MXI1: variants seen among roughly 807,000 people sequenced by gnomAD.
The protein encoded by MXI1 is max-interacting protein 1.
A neutral mutation model predicts 36.9 loss-of-function variants in MXI1; 18 were observed. That is an observed-to-expected ratio of 0.49 (90% CI 0.34 to 0.72). The LOEUF is 0.72. Ranked by LOEUF, MXI1 falls within the 30% of genes least tolerant of loss-of-function variation. The probability of loss-of-function intolerance (pLI) is 0.01; values close to 1 mark genes in which losing one functional copy is unlikely to be tolerated. For synonymous variants in MXI1, 160 were observed against 146.7 expected, an observed-to-expected ratio of 1.09 and a Z score of -0.65; for missense variants, 304 against 379.1, an observed-to-expected ratio of 0.80 and a Z score of 1.64.
At chr10:110,216,019 G>A (rs1854628384) in intron 1 of MXI1, among the ~76,000 whole-genome samples, 1 of 152,236 alleles carries the variant, frequency 6.6e-6, no homozygotes, top group Non-Finnish European at 1.5e-5. Flanking sequence ...CTGGCTAGAG[G>A]TGTTAAAGCT....
intron 1 of MXI1, among the ~76,000 whole-genome samples, chr10:110,218,411 C>T (rs1854711644): frequency 6.6e-6 from 1 of 151,236 alleles, no homozygotes; most frequent in Non-Finnish European, 1.5e-5. Context: ...GATCACACCA[C>T]TGCACTCCAG....
chr10:110,281,656 A>G (rs1045299209), intron 5 of MXI1, among the ~76,000 whole-genome samples: 3 of 152,198 alleles, frequency 2.0e-5, no homozygotes, highest in Non-Finnish European at 1.5e-5. Flanking sequence ...ATATTTTTTT[A>G]AACATCAAGA....
At chr10:110,272,708 A>G (rs1159328820) in intron 3 of MXI1, among the ~76,000 whole-genome samples, 1 of 151,300 alleles carries the variant, frequency 6.6e-6, no homozygotes, top group Non-Finnish European at 1.5e-5. Context: ...ATTATATATT[A>G]TATGTAATTT....
At chr10:110,278,074 G>A (rs1459080530) in intron 3 of MXI1, among the ~76,000 whole-genome samples, 1 of 152,202 alleles carries the variant, frequency 6.6e-6, no homozygotes, top group Admixed American at 6.5e-5. Flanking sequence ...TTAAGGACTA[G>A]GGGTAAACTG....
rs1258735180 is a variant in MXI1 at position 110,284,984 on chromosome 10, A to G, written c.885A>G (p.Ser295=). Residue 295 remains serine, a synonymous_variant, in exon 6 of 6, where the codon TCA becomes TCG. Coordinates refer to ENST00000332674, the MANE Select transcript of MXI1 (RefSeq NM_130439.3). ...SSASVKLSFT[S] is the part of the protein sequence containing the mutation. ...CCAGTGTCAAACTTTCATTCACTTCATAGAACCCAGCATGACATAACAGTG... is the reference window on the plus strand; with the variant it reads ...CCAGTGTCAAACTTTCATTCACTTCGTAGAACCCAGCATGACATAACAGTG... 1.2e-6 allele frequency: 2 copies of G among 1,611,608 alleles called. No individual in the cohort carries two copies. Among genetic ancestry groups the G allele is most frequent in the South Asian group, 1.1e-5 (1 of 90,450 alleles).
At chr10:110,248,113 C>T (rs774632352) in intron 3 of MXI1, among the ~76,000 whole-genome samples, 10 of 152,126 alleles carry the variant, frequency 6.6e-5, no homozygotes, top group Admixed American at 3.3e-4. Context: ...ACAAACACTG[C>T]GTGTTCTCAC....
At chr10:110,281,869 G>T (rs1857262989) in intron 5 of MXI1, among the ~76,000 whole-genome samples, 1 of 152,106 alleles carries the variant, frequency 6.6e-6, no homozygotes, top group South Asian at 2.1e-4. Flanking sequence ...TTAATCAATA[G>T]GTTCAGGTAA....
intron 1 of MXI1, chr10:110,225,866 C>A: frequency 2.9e-6 from 1 of 347,474 alleles, no homozygotes; most frequent in Non-Finnish European, 4.0e-6. Flanking sequence ...CCTGAAACGG[C>A]GTGTGCACTA....
intron 3 of MXI1, among the ~76,000 whole-genome samples, chr10:110,264,467 A>G (rs1194873089): frequency 6.6e-6 from 1 of 151,282 alleles, no homozygotes; most frequent in East Asian, 1.9e-4. Flanking sequence ...CCGGGTTTAA[A>G]CGATTCTCTT....
intron 1 of MXI1, among the ~76,000 whole-genome samples, chr10:110,209,121 A>G (rs945344940): frequency 2.0e-5 from 3 of 151,608 alleles, no homozygotes; most frequent in Non-Finnish European, 4.4e-5. Flanking sequence ...CAGCCAGGTC[A>G]CCCAGCTTTC....
At chr10:110,226,081 C>T (rs1056192887) in intron 1 of MXI1, 3 of 1,066,394 alleles carry the variant, frequency 2.8e-6, no homozygotes, top group South Asian at 8.9e-5. Flanking sequence ...GCGCGCCGAG[C>T]CGCGGCCGAG....
intron 2 of MXI1, among the ~76,000 whole-genome samples, chr10:110,232,551 G>C (rs1000004772): frequency 6.6e-6 from 1 of 152,054 alleles, no homozygotes; most frequent in East Asian, 1.9e-4. Context: ...TCTTAAATTC[G>C]TGTCCTATTC....
At chr10:110,210,923 A>G (rs990984986) in intron 1 of MXI1, among the ~76,000 whole-genome samples, 3 of 152,000 alleles carry the variant, frequency 2.0e-5, no homozygotes, top group Admixed American at 6.5e-5. Flanking sequence ...AAACGCTTAC[A>G]TCATTCAGTC....
rs1321051519 is a variant in MXI1 at position 110,285,012 on chromosome 10, G to T, written c.*25G>T. 1.3e-6 allele frequency: 2 copies of T among 1,583,522 alleles called. No homozygotes were observed. The highest frequency in any genetic ancestry group is 2.7e-5 in the African/African-American group (2 of 73,426). On this transcript the variant is annotated 3_prime_UTR_variant, in exon 6 of 6. Transcript: ENST00000332674. ...GAACCCAGCATGACATAACAGTGCA[G>T]GGCAAAATATTCACTGGGCCAATTC...
rs1157419121 is a variant in MXI1 at position 110,214,069 on chromosome 10, A to T, written c.274+5987A>T. Among the ~76,000 whole-genome samples, 3 of 152,306 alleles carry T rather than the reference A, an allele frequency of 2.0e-5. No homozygotes were observed. In the East Asian group the frequency reaches 5.8e-4, roughly 29 times the overall value. On this transcript the variant is annotated intron_variant, in intron 1 of 5. Transcript: ENST00000332674. ...GGATGCCAGGTAATTTGCCCAAAGGATATATAGCTAGTAAGTCGCGGAGCT... is the reference window on the plus strand; with the variant it reads ...GGATGCCAGGTAATTTGCCCAAAGGTTATATAGCTAGTAAGTCGCGGAGCT...
chr10:110,272,665 C>T (rs1308043301), intron 3 of MXI1, among the ~76,000 whole-genome samples: 1 of 151,626 alleles, frequency 6.6e-6, no homozygotes, highest in Non-Finnish European at 1.5e-5. Flanking sequence ...CATGCTGAGG[C>T]TGACAATGTG....
At chr10:110,260,449 G>A (rs868141338) in intron 3 of MXI1, among the ~76,000 whole-genome samples, 1 of 122,614 alleles carries the variant, frequency 8.2e-6, no homozygotes, top group African/African-American at 3.3e-5. Context: ...GTGTGTGTGT[G>A]TGTGTGTGTA....
At chr10:110,246,365 A>G (rs1458560654) in intron 3 of MXI1, among the ~76,000 whole-genome samples, 2 of 151,988 alleles carry the variant, frequency 1.3e-5, no homozygotes, top group Non-Finnish European at 2.9e-5. Flanking sequence ...ACAAACTGAA[A>G]TCATATGTAC....
Position 110,217,014 on chromosome 10 carries a change from G to GT in MXI1, c.274+8942dup, listed in dbSNP as rs202031055. On this transcript the variant is annotated intron_variant, in intron 1 of 5. Coordinates refer to ENST00000332674, the MANE Select transcript of MXI1 (RefSeq NM_130439.3). ...GTTTGTCCTTGTAATTTCTACAGATGTTTTTTTTTTCTTTCACTGCCTGAG... is the reference window on the plus strand; with the variant it reads ...GTTTGTCCTTGTAATTTCTACAGATGTTTTTTTTTTTCTTTCACTGCCTGAG... 3.9e-3 allele frequency among the ~76,000 whole-genome samples: 587 copies of GT among 149,526 alleles called. 6 individuals carry two copies. Among genetic ancestry groups the GT allele is most frequent in the African/African-American group, 0.013 (548 of 40,790 alleles).
Sources: gnomAD v4.1 joint callset for allele counts (sites outside exome capture counted in the v4.1 genomes callset) on GRCh38, gnomAD v4.1.1 for gene constraint, MANE v1.5 for transcripts, NCBI Gene and HGNC (gene_info 2026-07-23, HGNC 2026-07-21) for gene names.